Variants in LRRC42 observed in about 807,000 individuals in gnomAD.
LRRC42 encodes leucine-rich repeat-containing protein 42.
A neutral mutation model predicts 44.3 loss-of-function variants in LRRC42; 43 were observed. The ratio of observed to expected loss-of-function variants is 0.97; its 90% CI spans 0.76 to 1.25. The LOEUF (loss-of-function observed/expected upper bound fraction) is 1.25. Ranked by LOEUF, LRRC42 falls within the 50% of genes most tolerant of loss-of-function variation. The pLI is 0.00. For missense variants in LRRC42, 540 were observed against 509.1 expected (o/e 1.06, Z -0.58); for synonymous variants, 207 against 195.2 (o/e 1.06, Z -0.50).
Position 53,966,644 on chromosome 1 carries a change from A to G in LRRC42, c.1012+264A>G, listed in dbSNP as rs71637823. Among the ~76,000 whole-genome samples, 1,215 of 152,304 alleles carry G rather than the reference A, an allele frequency of 8.0e-3. 8 individuals are homozygous for G. Among genetic ancestry groups the G allele is most frequent in the Non-Finnish European group, 0.013 (872 of 68,004 alleles). ...ATTTGTGGTGGTACAAAAGCTATAT[A>G]GAATACAGAAGATGAAAAAGGAATT... On this transcript the variant is annotated intron_variant, in intron 8 of 8. Coordinates refer to ENST00000371370, the MANE Select transcript of LRRC42 (RefSeq NM_001256409.2).
chr1:53,951,807 C>T (rs570524289), intron 2 of LRRC42, among the ~76,000 whole-genome samples, 179 bp from the exon 3 acceptor site: 4 of 152,264 alleles, frequency 2.6e-5, no homozygotes, highest in South Asian at 2.1e-4. Context: ...TTCCAGGTAG[C>T]GGCAATAGAG....
Position 53,968,100 on chromosome 1 carries a change from G to GGGAGGGGAA in LRRC42, c.*161_*162insGGAGGGGAA. On this transcript the variant is annotated 3_prime_UTR_variant, in exon 9 of 9. Transcript: ENST00000371370. ...TGGGAGGGGAATGCTATGGAAGTAT[G>GGGAGGGGAA]TAATAATTTCTAATGTATATTTTCA... The GGGAGGGGAA allele has an allele frequency of 1.5e-6, 1 of 685,820 alleles. No individual in the cohort carries two copies. The highest frequency in any genetic ancestry group is 2.4e-6 in the Non-Finnish European group (1 of 415,306). The allele number at this position is 685,820 out of a possible 1,614,324, so 42.5% of individuals were successfully genotyped here. A position where few individuals can be genotyped will look rare whatever the true frequency, so the allele number is the denominator to read the frequency against.
intron 7 of LRRC42, among the ~76,000 whole-genome samples, chr1:53,965,783 C>T (rs114321494): frequency 0.013 from 2,046 of 152,158 alleles, 51 homozygotes; most frequent in African/African-American, 0.046. Context: ...CCACATATTT[C>T]TAAAAGAATT....
chr1:53,958,806 G>A (rs1473929039), intron 4 of LRRC42, among the ~76,000 whole-genome samples: 1 of 152,104 alleles, frequency 6.6e-6, no homozygotes, highest in Non-Finnish European at 1.5e-5. Flanking sequence ...GGCTGGTCTC[G>A]AGGTCCTGAC....
chr1:53,953,815 T>C (rs965168758), intron 3 of LRRC42, among the ~76,000 whole-genome samples: 4 of 151,702 alleles, frequency 2.6e-5, no homozygotes, highest in Admixed American at 2.6e-4. Flanking sequence ...CACTGCAACC[T>C]CCACCTCCCA....
At chr1:53,958,382 T>C (rs974552507) in intron 4 of LRRC42, 102 bp downstream of exon 4, 39 of 1,459,606 alleles carry the variant, frequency 2.7e-5, no homozygotes, top group Middle Eastern at 2.3e-4. Flanking sequence ...CCCATTCTTA[T>C]GTTGATTTGC....
chr1:53,952,482 C>A lies in LRRC42; in HGVS notation c.473+10C>A. ...TGTGTTTGCGAAACAGGTGGGTGTT[C>A]TGATTAGATTATTCGGTATTTTATT... is the stretch of plus-strand genomic sequence containing the variant. On this transcript the variant is annotated intron_variant, in intron 3 of 8. Coordinates refer to ENST00000371370, the MANE Select transcript of LRRC42 (RefSeq NM_001256409.2). 1.9e-6 allele frequency: 3 copies of A among 1,577,980 alleles called. No homozygotes were observed. The South Asian group carries it at 3.5e-5, about 18-fold the overall frequency.
chr1:53,951,883 G>T (rs1442637826), intron 2 of LRRC42, 103 bp from the exon 3 acceptor site: 12 of 949,168 alleles, frequency 1.3e-5, no homozygotes, highest in Admixed American at 2.8e-5. Flanking sequence ...CAGCCACCAG[G>T]CCTGCCTGGT....
intron 2 of LRRC42, among the ~76,000 whole-genome samples, chr1:53,951,621 CA>C (rs1419440550): frequency 6.6e-6 from 1 of 152,196 alleles, no homozygotes; most frequent in Admixed American, 6.5e-5. Flanking sequence ...GATGGGGTTT[CA>C]CCATGTTGGC....
Position 53,952,230 on chromosome 1 carries a change from C to T in LRRC42, c.231C>T (p.Thr77=), listed in dbSNP as rs1316616646. The change falls in exon 3 of 9, where the codon ACC becomes ACT. Residue 77 remains threonine (T), a synonymous_variant. Coordinates refer to ENST00000371370, the MANE Select transcript of LRRC42 (RefSeq NM_001256409.2). The part of the protein sequence containing the change: ...EKTDHFIFTY[T]REGNLRYSAK... ...CTGATCATTTCATCTTCACATACAC[C>T]CGAGAGGGGAATCTTCGGTACTCCG... 1 of 1,614,196 alleles carries T rather than the reference C, an allele frequency of 6.2e-7. No homozygotes were observed. Among genetic ancestry groups the T allele is most frequent in the Admixed American group, 1.7e-5 (1 of 60,022 alleles).
At chr1:53,961,049 T>C (rs1654980379) in intron 5 of LRRC42, among the ~76,000 whole-genome samples, 2 of 152,232 alleles carry the variant, frequency 1.3e-5, no homozygotes, top group South Asian at 4.1e-4. Context: ...CTACCAGTTA[T>C]ATACCTTCAG....
Position 53,962,362 on chromosome 1 carries a change from A to C in LRRC42, c.880A>C (p.Lys294Gln). The stretch of plus-strand genomic sequence containing the variant: ...CCTTGTTCACTCCAAAGTGCCTTTG[A>C]AGGAATTTGATCATAGTAACTGCAA... ...IGLVHSKVPL[K>Q]EFDHSNCKTE... Residue 294 changes from lysine (K) to glutamine (Q), a missense_variant, in exon 7 of 9, where the codon AAG (lysine) becomes CAG (glutamine). By Grantham distance (53) the Lys-to-Gln change is moderately conservative. Coordinates refer to ENST00000371370, the MANE Select transcript of LRRC42 (RefSeq NM_001256409.2). 6.2e-7 allele frequency: 1 copy of C among 1,614,208 alleles called. No individual in the cohort carries two copies. The highest frequency in any genetic ancestry group is 8.5e-7 in the Non-Finnish European group (1 of 1,180,014).
chr1:53,964,427 C>A (rs1655074299), intron 7 of LRRC42, among the ~76,000 whole-genome samples: 1 of 152,156 alleles, frequency 6.6e-6, no homozygotes, highest in African/African-American at 2.4e-5. Context: ...CAAGTATCCT[C>A]TGTAAATCTC....
At chr1:53,961,613 G>A (rs1654997022) in intron 5 of LRRC42, among the ~76,000 whole-genome samples, 1 of 152,184 alleles carries the variant, frequency 6.6e-6, no homozygotes, top group African/African-American at 2.4e-5. Context: ...TAAGAGTGGT[G>A]ATAGTATCTG....
chr1:53,960,560 G>T, intron 5 of LRRC42, 86 bp downstream of exon 5: 1 of 1,020,334 alleles, frequency 9.8e-7, no homozygotes. Context: ...CATTTTAGAG[G>T]TGAGAAAGGA....
rs768254537 is a variant in LRRC42, at chr1:53,951,992, C to A, written c.-8C>A. 1 of 1,608,270 alleles carries A rather than the reference C, an allele frequency of 6.2e-7. No individual in the cohort carries two copies. Among genetic ancestry groups the A allele is most frequent in the East Asian group, 2.2e-5 (1 of 44,826 alleles). On this transcript the variant is annotated 5_prime_UTR_variant, in exon 3 of 9. Transcript: ENST00000371370. Reference sequence around the variant, plus strand: ...CTGTGCCTTGCTTTTACAGTTGCAACCAAGGCAATGTCTTACTACCTCAGC... The same window carrying A: ...CTGTGCCTTGCTTTTACAGTTGCAAACAAGGCAATGTCTTACTACCTCAGC...
chr1:53,956,393 A>G (rs977225565), intron 3 of LRRC42, among the ~76,000 whole-genome samples: 1 of 152,186 alleles, frequency 6.6e-6, no homozygotes, highest in African/African-American at 2.4e-5. Context: ...AATAGCTACT[A>G]TTTCATGAGG....
At position 53,956,267 on chromosome 1, in the gene LRRC42, C is replaced by T. The variant is rs547577994; in HGVS notation, c.474-1882C>T. On this transcript the variant is annotated intron_variant, in intron 3 of 8. Transcript: ENST00000371370. Reference sequence around the variant, plus strand: ...TCTTTGCAACTGAATTCCAACCTTACGAAAACTCTCTTCTCCCTTGTGTTG... The same window carrying T: ...TCTTTGCAACTGAATTCCAACCTTATGAAAACTCTCTTCTCCCTTGTGTTG... 5.9e-5 allele frequency among the ~76,000 whole-genome samples: 9 copies of T among 152,308 alleles called. No homozygotes were observed. The South Asian group carries it at 8.3e-4, about 14-fold the overall frequency.
rs745643822 is a variant in LRRC42 at position 53,952,272 on chromosome 1, C to T, written c.273C>T (p.Ser91=). 6.2e-7 allele frequency: 1 copy of T among 1,614,114 alleles called. No homozygotes were observed. The highest frequency in any genetic ancestry group is 1.3e-5 in the African/African-American group (1 of 74,940). The stretch of plus-strand genomic sequence containing the variant: ...GGTACTCCGCCAAATCCCTCTTCAG[C>T]CTTGTCCTGGGTTTCATCTCCGACA... The part of the protein sequence containing the change: ...NLRYSAKSLF[S]LVLGFISDNV... Residue 91 remains serine, a synonymous_variant, in exon 3 of 9, where the codon AGC becomes AGT. Transcript: ENST00000371370.
Sources: allele counts gnomAD v4.1 joint callset (sites outside exome capture counted in the v4.1 genomes callset), GRCh38; gene constraint gnomAD v4.1.1; transcripts MANE v1.5; gene names NCBI Gene and HGNC (gene_info 2026-07-23, HGNC 2026-07-21).